The following SOX5 variants were observed in gnomAD, a reference collection of about 807,000 sequenced individuals.
SOX5 encodes SRY-box transcription factor 5.
Under a neutral mutation model 92.0 loss-of-function variants are expected in SOX5, and 9 were observed. The ratio of observed to expected loss-of-function variants is 0.10; its 90% CI spans 0.06 to 0.17. The LOEUF (loss-of-function observed/expected upper bound fraction) is 0.17. Among genes scored for constraint, SOX5 ranks in the 10% least tolerant of loss-of-function variants. The pLI, the probability that SOX5 is intolerant of heterozygous loss-of-function variation, is 1.00. For missense variants in SOX5, 642 were observed against 944.5 expected, an observed-to-expected ratio of 0.68 and a Z score of 4.20; for synonymous variants, 344 against 336.3, an observed-to-expected ratio of 1.02 and a Z score of -0.25.
chr12:23,970,967 T>G (rs1026994870), intron 4 of SOX5, among the ~76,000 whole-genome samples: 1 of 148,040 alleles, frequency 6.8e-6, no homozygotes, highest in African/African-American at 2.5e-5. Context: ...ATGGTAATAG[T>G]ATATTTAGCT....
chr12:24,417,861 G>A (rs749116976), intron 1 of SOX5, among the ~76,000 whole-genome samples: 5 of 152,140 alleles, frequency 3.3e-5, no homozygotes, highest in African/African-American at 4.8e-5. Flanking sequence ...AGAACAGCTG[G>A]AACAAAATGT....
chr12:23,530,282 T>C lies in SOX5; in HGVS notation c.*3937A>G, dbSNP rs1250449732. 6.6e-6 allele frequency: 1 copy of C among 152,244 alleles called. No homozygotes were observed. The highest frequency in any genetic ancestry group is 1.5e-5 in the Non-Finnish European group (1 of 68,052). 9.4% of individuals were successfully genotyped at this position (152,244 alleles called of 1,614,324 possible). ...CCCATTAGAATGAGTGAAAGTGTAATTATTTTTTATGTTTTAAATGTGATA... is the reference window on the plus strand; with the variant it reads ...CCCATTAGAATGAGTGAAAGTGTAACTATTTTTTATGTTTTAAATGTGATA... On this transcript the variant is annotated 3_prime_UTR_variant, in exon 15 of 15. Transcript: ENST00000451604.
At chr12:24,235,231 G>C (rs1202509205) in intron 3 of SOX5, among the ~76,000 whole-genome samples, 1 of 152,156 alleles carries the variant, frequency 6.6e-6, no homozygotes, top group African/African-American at 2.4e-5. Flanking sequence ...TGACATTAGA[G>C]CTATCTTATG....
chr12:23,728,417 G>A (rs2140778249), intron 6 of SOX5, among the ~76,000 whole-genome samples: 1 of 152,218 alleles, frequency 6.6e-6, no homozygotes, highest in East Asian at 1.9e-4. Flanking sequence ...TTGTGCTCTT[G>A]TATGTGTGCA....
intron 1 of SOX5, among the ~76,000 whole-genome samples, chr12:24,560,576 T>G (rs1226761501): frequency 6.6e-6 from 1 of 152,170 alleles, no homozygotes; most frequent in Non-Finnish European, 1.5e-5. Context: ...GAAACTTTGT[T>G]CCATGTATCT....
chr12:24,152,726 A>G (rs953664758), intron 4 of SOX5, among the ~76,000 whole-genome samples: 2 of 152,144 alleles, frequency 1.3e-5, no homozygotes, highest in Admixed American at 6.6e-5. Flanking sequence ...TGAACATGTC[A>G]TCATACTGGA....
chr12:23,868,705 T>C (rs2136681338), intron 2 of SOX5, among the ~76,000 whole-genome samples: 1 of 152,232 alleles, frequency 6.6e-6, no homozygotes, highest in South Asian at 2.1e-4. Flanking sequence ...ATCCCTTCAT[T>C]CCCACCCTAC....
intron 4 of SOX5, among the ~76,000 whole-genome samples, chr12:24,012,567 C>T (rs1263864804): frequency 6.6e-6 from 1 of 152,140 alleles, no homozygotes; most frequent in Non-Finnish European, 1.5e-5. Context: ...CCTCATAACT[C>T]CATGATTACA....
intron 1 of SOX5, among the ~76,000 whole-genome samples, chr12:24,497,405 C>T (rs1296367578): frequency 6.6e-6 from 1 of 152,110 alleles, no homozygotes; most frequent in Non-Finnish European, 1.5e-5. Flanking sequence ...GATTTTAGAG[C>T]CAGACAGAAT....
intron 6 of SOX5, among the ~76,000 whole-genome samples, chr12:23,666,865 C>G (rs1057166859): frequency 6.6e-6 from 1 of 152,164 alleles, no homozygotes; most frequent in African/African-American, 2.4e-5. Flanking sequence ...CTAACAGCAC[C>G]TCTGAATTGT....
chr12:24,035,127 C>T (rs1320707313), intron 4 of SOX5, among the ~76,000 whole-genome samples: 1 of 152,090 alleles, frequency 6.6e-6, no homozygotes, highest in African/African-American at 2.4e-5. Context: ...TATACGATGG[C>T]AGTGACGCCC....
intron 1 of SOX5, among the ~76,000 whole-genome samples, chr12:24,389,188 T>C (rs969124078): frequency 8.6e-5 from 13 of 151,836 alleles, no homozygotes; most frequent in African/African-American, 3.1e-4. Context: ...TTCCCACCTA[T>C]GAGTAAGAAT....
intron 2 of SOX5, among the ~76,000 whole-genome samples, chr12:23,873,196 A>C (rs2096892895): frequency 6.6e-6 from 1 of 152,198 alleles, no homozygotes; most frequent in South Asian, 2.1e-4. Flanking sequence ...TTTAAGGGCC[A>C]AGAAATGACT....
intron 5 of SOX5, among the ~76,000 whole-genome samples, chr12:23,740,086 C>G (rs2093742301): frequency 6.6e-6 from 1 of 152,098 alleles, no homozygotes; most frequent in Non-Finnish European, 1.5e-5. Flanking sequence ...GAGTTTAAAC[C>G]ACCATTTCTC....
intron 4 of SOX5, among the ~76,000 whole-genome samples, chr12:23,750,223 TTC>T (rs2094139270): frequency 6.6e-6 from 1 of 151,896 alleles, no homozygotes; most frequent in Non-Finnish European, 1.5e-5. Context: ...GATAATTAAT[TTC>T]TGAGTCTCAA....
At chr12:23,814,480 C>G (rs1004121816) in intron 3 of SOX5, among the ~76,000 whole-genome samples, 3 of 152,154 alleles carry the variant, frequency 2.0e-5, no homozygotes, top group African/African-American at 7.2e-5. Context: ...AGTGAGGAAA[C>G]TGAAAAGTTC....
chr12:23,851,775 T>A (rs2096636449), intron 2 of SOX5, among the ~76,000 whole-genome samples: 1 of 151,802 alleles, frequency 6.6e-6, no homozygotes. Flanking sequence ...AAAAAGCCAC[T>A]GATAATACCT....
chr12:24,223,856 G>A (rs181181863), intron 3 of SOX5, among the ~76,000 whole-genome samples: 11 of 152,276 alleles, frequency 7.2e-5, no homozygotes, highest in African/African-American at 1.2e-4. Flanking sequence ...ATGTCATCAC[G>A]TTTCAGACTG....
At chr12:24,474,132 T>C (rs985735951) in intron 1 of SOX5, among the ~76,000 whole-genome samples, 1 of 152,194 alleles carries the variant, frequency 6.6e-6, no homozygotes. Flanking sequence ...CAACTAGATA[T>C]AAGAGAAAGT....
Sources: gnomAD v4.1 joint callset for allele counts (sites outside exome capture counted in the v4.1 genomes callset) on GRCh38, gnomAD v4.1.1 for gene constraint, MANE v1.5 for transcripts, NCBI Gene and HGNC (gene_info 2026-07-23, HGNC 2026-07-21) for gene names.